The following XPNPEP1 variants were observed in gnomAD, a reference collection of about 807,000 sequenced individuals.
XPNPEP1 encodes the protein X-prolyl aminopeptidase 1, also known as xaa-Pro aminopeptidase 1.
Under a neutral mutation model 92.4 loss-of-function variants are expected in XPNPEP1, and 39 were observed. That is an observed-to-expected ratio of 0.42 (90% confidence interval 0.33 to 0.55). The LOEUF (loss-of-function observed/expected upper bound fraction) is 0.55. Among genes scored for constraint, XPNPEP1 ranks in the 20% least tolerant of loss-of-function variants. XPNPEP1 has a pLI of 0.08. For missense variants in XPNPEP1, 654 were observed against 856.1 expected, an observed-to-expected ratio of 0.76 and a Z score of 2.95; for synonymous variants, 307 against 299.4, an observed-to-expected ratio of 1.03 and a Z score of -0.26.
chr10:109,878,469 A>T (rs188503770), intron 12 of XPNPEP1: 2 of 173,184 alleles, frequency 1.2e-5, no homozygotes, highest in Non-Finnish European at 2.5e-5. Context: ...ATTTAAAAAT[A>T]GGAGGACTGG....
intron 4 of XPNPEP1, 120 bp downstream of exon 4, chr10:109,892,892 A>G: frequency 1.9e-5 from 18 of 972,838 alleles, no homozygotes; most frequent in Non-Finnish European, 2.7e-5. Flanking sequence ...CAGAGAGTCA[A>G]TGTGGAGCAT....
intron 2 of XPNPEP1, among the ~76,000 whole-genome samples, chr10:109,913,237 G>A (rs899172017): frequency 6.6e-6 from 1 of 152,234 alleles, no homozygotes; most frequent in Non-Finnish European, 1.5e-5. Context: ...GATTGTACAT[G>A]AAAAGCACAC....
intron 9 of XPNPEP1, 68 bp downstream of exon 9, chr10:109,883,999 C>G: frequency 2.8e-6 from 4 of 1,441,936 alleles, no homozygotes; most frequent in Non-Finnish European, 3.8e-6. Flanking sequence ...TGGGCCAGGA[C>G]CAGAAAGGGC....
intron 2 of XPNPEP1, among the ~76,000 whole-genome samples, chr10:109,910,840 A>C (rs1849828406): frequency 1.3e-5 from 2 of 152,254 alleles, no homozygotes; most frequent in African/African-American, 4.8e-5. Context: ...CTTAGTCAAA[A>C]ACATTGTAAC....
At chr10:109,889,192 G>A (rs1482498149) in intron 5 of XPNPEP1, among the ~76,000 whole-genome samples, 6 of 152,122 alleles carry the variant, frequency 3.9e-5, no homozygotes, top group East Asian at 1.9e-4. Flanking sequence ...GCACCTGTCC[G>A]GTTGTCTTTA....
chr10:109,886,101 G>T, intron 8 of XPNPEP1, 145 bp downstream of exon 8: 1 of 732,606 alleles, frequency 1.4e-6, no homozygotes, highest in Non-Finnish European at 2.3e-6. Context: ...CATCCTAGTT[G>T]GCATCTCCTA....
chr10:109,878,425 C>G lies in XPNPEP1; in HGVS notation c.1183-367G>C, dbSNP rs554559356. 19 of 180,134 alleles carry G rather than the reference C, an allele frequency of 1.1e-4. No homozygotes were observed. The South Asian group carries it at 2.4e-3, about 23-fold the overall frequency. 11.2% of individuals were successfully genotyped at this position (180,134 alleles called of 1,614,324 possible). On this transcript the variant is annotated intron_variant, in intron 12 of 20. Coordinates refer to ENST00000502935, the MANE Select transcript of XPNPEP1 (RefSeq NM_020383.4). ...ATGCGGAGAGATTATTGCAGGATTA[C>G]TGATAACAGCAAAAAATTAAAAACA...
intron 3 of XPNPEP1, 54 bp downstream of exon 3, chr10:109,907,637 A>C: frequency 6.2e-7 from 1 of 1,611,178 alleles, no homozygotes; most frequent in Non-Finnish European, 8.5e-7. Flanking sequence ...CAAACACATT[A>C]GGGCTGGGGA....
intron 3 of XPNPEP1, among the ~76,000 whole-genome samples, chr10:109,902,129 G>C (rs1037694204): frequency 6.6e-6 from 1 of 152,142 alleles, no homozygotes; most frequent in Non-Finnish European, 1.5e-5. Context: ...ATTTATGACT[G>C]TGGCTTACCT....
chr10:109,875,857 C>T, intron 14 of XPNPEP1: 1 of 357,976 alleles, frequency 2.8e-6, no homozygotes, highest in Non-Finnish European at 5.2e-6. Context: ...TTATGTCTAC[C>T]TCTGTTTGTG....
chr10:109,888,030 C>T lies in XPNPEP1; in HGVS notation c.652+19G>A. On this transcript the variant is annotated intron_variant, in intron 7 of 20. Transcript: ENST00000502935. ...GGACAATGGCAGGGGCCCTGCTGGG[C>T]AGAACCATTGATTCTGACCTGTGTA... 1.2e-6 allele frequency: 2 copies of T among 1,612,778 alleles called. No homozygotes were observed. The highest frequency in any genetic ancestry group is 1.7e-6 in the Non-Finnish European group (2 of 1,179,542).
chr10:109,892,706 T>C (rs568620799), intron 4 of XPNPEP1: 23 of 315,082 alleles, frequency 7.3e-5, no homozygotes, highest in Admixed American at 1.4e-4. Flanking sequence ...AACACAGGTA[T>C]ATTCAGTTTA....
At chr10:109,871,536 CAT>C (rs1349454494) in intron 17 of XPNPEP1, among the ~76,000 whole-genome samples, 1 of 152,342 alleles carries the variant, frequency 6.6e-6, no homozygotes, top group South Asian at 2.1e-4. Context: ...GAGCCATCCA[CAT>C]GTGTCATCCA....
At chr10:109,923,321 C>G in intron 1 of XPNPEP1, 81 bp downstream of exon 1, 1 of 1,335,886 alleles carries the variant, frequency 7.5e-7, no homozygotes, top group Non-Finnish European at 9.6e-7. Context: ...CGCGTCCCTG[C>G]CCGCCGAGGT....
chr10:109,910,808 A>G (rs755084162), intron 2 of XPNPEP1, among the ~76,000 whole-genome samples: 8 of 152,240 alleles, frequency 5.3e-5, no homozygotes, highest in Non-Finnish European at 1.0e-4. Flanking sequence ...TTGCCAACTC[A>G]TTTTTTAACA....
intron 7 of XPNPEP1, 146 bp from the exon 8 acceptor site, chr10:109,886,487 G>C: frequency 1.4e-6 from 1 of 728,060 alleles, no homozygotes; most frequent in Non-Finnish European, 2.3e-6. Context: ...CTGGATTCAA[G>C]CCCTATACAA....
chr10:109,898,817 G>A (rs1186947636), intron 3 of XPNPEP1, among the ~76,000 whole-genome samples: 4 of 152,250 alleles, frequency 2.6e-5, no homozygotes, highest in Non-Finnish European at 5.9e-5. Context: ...TGGGTTTTAA[G>A]AAGAGGGATC....
At chr10:109,922,735 A>C (rs1403469241) in intron 1 of XPNPEP1, among the ~76,000 whole-genome samples, 1 of 152,214 alleles carries the variant, frequency 6.6e-6, no homozygotes, top group African/African-American at 2.4e-5. Context: ...TGATAAGTAC[A>C]TCCTGGTTAT....
intron 1 of XPNPEP1, among the ~76,000 whole-genome samples, chr10:109,916,551 C>G (rs868621843): frequency 1.3e-5 from 2 of 152,236 alleles, no homozygotes; most frequent in Non-Finnish European, 1.5e-5. Context: ...GTCTACCACA[C>G]GGTAAGAACC....
Sources: allele counts gnomAD v4.1 joint callset (sites outside exome capture counted in the v4.1 genomes callset), GRCh38; gene constraint gnomAD v4.1.1; transcripts MANE v1.5; gene names NCBI Gene and HGNC (gene_info 2026-07-23, HGNC 2026-07-21).